Variants in PPARGC1A observed in about 807,000 individuals in gnomAD.
PPARGC1A encodes PPARG coactivator 1 alpha, also known as peroxisome proliferator-activated receptor gamma coactivator 1-alpha.
PPARGC1A carries 25 observed loss-of-function variants against 88.7 expected under a neutral mutation model. That is an observed-to-expected ratio of 0.28 (90% CI 0.21 to 0.39). PPARGC1A has a LOEUF of 0.39. Among genes scored for constraint, PPARGC1A ranks in the 10% least tolerant of loss-of-function variants. PPARGC1A has a pLI of 1.00. For missense variants in PPARGC1A, 880 were observed against 968.7 expected (o/e 0.91, Z 1.22); for synonymous variants, 363 against 355.6 (o/e 1.02, Z -0.24).
the PPARGC1A span, among the ~76,000 whole-genome samples, chr4:24,395,579 T>C: frequency 6.6e-6 from 1 of 152,218 alleles, no homozygotes; most frequent in Non-Finnish European, 1.5e-5. Flanking sequence ...AGACAAAATG[T>C]GGAATTATCT....
the PPARGC1A span, among the ~76,000 whole-genome samples, chr4:24,157,296 C>A: frequency 6.6e-6 from 1 of 152,152 alleles, no homozygotes; most frequent in Non-Finnish European, 1.5e-5. Context: ...CATCTTTAAT[C>A]CTTTGTTTAT....
chr4:24,388,452 C>T, the PPARGC1A span, among the ~76,000 whole-genome samples: 2 of 152,158 alleles, frequency 1.3e-5, no homozygotes, highest in African/African-American at 4.8e-5. Flanking sequence ...CCATTTGACC[C>T]AGCCATCCCA....
At chr4:24,399,142 C>T in the PPARGC1A span, among the ~76,000 whole-genome samples, 2 of 2,340 alleles carry the variant, frequency 8.5e-4, no homozygotes, top group Non-Finnish European at 0.033. Context: ...ATGCTCTCAG[C>T]GAAAACTCAG....
the PPARGC1A span, among the ~76,000 whole-genome samples, chr4:24,406,747 G>A: frequency 1.3e-5 from 2 of 152,238 alleles, no homozygotes; most frequent in East Asian, 1.9e-4. Flanking sequence ...CAGCAGTGTG[G>A]GCATATCTGC....
chr4:24,453,897 G>A, the PPARGC1A span, among the ~76,000 whole-genome samples: 1 of 152,162 alleles, frequency 6.6e-6, no homozygotes, highest in East Asian at 1.9e-4. Context: ...CAATCAAAAG[G>A]TAGTGTCTAT....
chr4:24,126,215 T>C, the PPARGC1A span, among the ~76,000 whole-genome samples: 1 of 151,514 alleles, frequency 6.6e-6, no homozygotes, highest in Non-Finnish European at 1.5e-5. Flanking sequence ...TCTCCCCACC[T>C]TGGTGAGTGC....
the PPARGC1A span, among the ~76,000 whole-genome samples, chr4:24,463,672 G>T: frequency 6.6e-5 from 10 of 152,128 alleles, no homozygotes; most frequent in African/African-American, 2.4e-4. Flanking sequence ...AATTGAAGAG[G>T]GTGTGGTTCT....
At chr4:23,811,866 C>G (rs140622448) in intron 10 of PPARGC1A, among the ~76,000 whole-genome samples, 1 of 137,184 alleles carries the variant, frequency 7.3e-6, no homozygotes, top group Non-Finnish European at 1.5e-5. Flanking sequence ...AGTTAGATGA[C>G]GACCATCACG....
chr4:24,288,007 C>A, the PPARGC1A span, among the ~76,000 whole-genome samples: 206 of 152,226 alleles, frequency 1.4e-3, no homozygotes, highest in African/African-American at 4.7e-3. Flanking sequence ...CTCCCCCTCA[C>A]CCACCCTGGC....
At chr4:24,080,093 C>T in the PPARGC1A span, among the ~76,000 whole-genome samples, 38 of 152,086 alleles carry the variant, frequency 2.5e-4, no homozygotes, top group Non-Finnish European at 4.7e-4. Flanking sequence ...ACAGAAGCAA[C>T]ATGATTTCGA....
At chr4:24,149,198 T>C in the PPARGC1A span, among the ~76,000 whole-genome samples, 2 of 152,240 alleles carry the variant, frequency 1.3e-5, no homozygotes, top group Non-Finnish European at 2.9e-5. Flanking sequence ...ATTTTCTATA[T>C]GAGTACAGTT....
the PPARGC1A span, among the ~76,000 whole-genome samples, chr4:24,419,519 A>G: frequency 1.3e-5 from 2 of 150,206 alleles, no homozygotes; most frequent in Non-Finnish European, 3.0e-5. Flanking sequence ...AGAGATGAAA[A>G]GGCTGCCCTC....
the PPARGC1A span, among the ~76,000 whole-genome samples, chr4:23,998,906 T>C: frequency 6.6e-6 from 1 of 152,220 alleles, no homozygotes; most frequent in Non-Finnish European, 1.5e-5. Flanking sequence ...GTTTCAATGA[T>C]TAAAATTCCA....
At chr4:24,141,065 C>T in the PPARGC1A span, among the ~76,000 whole-genome samples, 1 of 152,220 alleles carries the variant, frequency 6.6e-6, no homozygotes, top group East Asian at 1.9e-4. Context: ...AGGCTTCGAA[C>T]AGCCATAAGT....
chr4:24,091,938 C>CACACACACACACAA, the PPARGC1A span, among the ~76,000 whole-genome samples: 1 of 151,686 alleles, frequency 6.6e-6, no homozygotes, highest in Non-Finnish European at 1.5e-5. Context: ...TACACACACA[C>CACACACACACACAA]ACACACACAC....
the PPARGC1A span, among the ~76,000 whole-genome samples, chr4:24,438,219 T>C: frequency 1.3e-5 from 2 of 152,134 alleles, no homozygotes; most frequent in African/African-American, 4.8e-5. Context: ...AGGATGATCC[T>C]TGGGTTTCAC....
chr4:23,888,421 T>C (rs985058507), intron 1 of PPARGC1A, among the ~76,000 whole-genome samples: 2 of 152,136 alleles, frequency 1.3e-5, no homozygotes, highest in Non-Finnish European at 2.9e-5. Flanking sequence ...TCAGGAATAA[T>C]ACATGATGGA....
chr4:23,800,594 TTATA>T (rs964278312), intron 12 of PPARGC1A, among the ~76,000 whole-genome samples: 4 of 150,446 alleles, frequency 2.7e-5, no homozygotes, highest in Non-Finnish European at 4.4e-5. Context: ...ATTTGGAAGT[TTATA>T]TATATATAAA....
At chr4:24,062,576 G>T in the PPARGC1A span, among the ~76,000 whole-genome samples, 28 of 152,270 alleles carry the variant, frequency 1.8e-4, no homozygotes, top group Middle Eastern at 3.4e-3. Flanking sequence ...CAACTAGCCT[G>T]GGGGCCCCCA....
Sources: gnomAD v4.1 joint callset for allele counts (sites outside exome capture counted in the v4.1 genomes callset) on GRCh38, gnomAD v4.1.1 for gene constraint, MANE v1.5 for transcripts, NCBI Gene and HGNC (gene_info 2026-07-23, HGNC 2026-07-21) for gene names.